The following FRMD5 variants were observed in gnomAD, a reference collection of about 807,000 sequenced individuals.
The protein encoded by FRMD5 is FERM domain containing 5.
FRMD5 carries 20 observed loss-of-function variants against 69.0 expected under a neutral mutation model. That is an observed-to-expected ratio of 0.29 (90% CI 0.20 to 0.42). The LOEUF (loss-of-function observed/expected upper bound fraction) is 0.42. Ranked by LOEUF, FRMD5 falls within the 10% of genes least tolerant of loss-of-function variation. FRMD5 has a pLI of 1.00. For missense variants in FRMD5, 595 were observed against 708.6 expected, an observed-to-expected ratio of 0.84 and a Z score of 1.82; for synonymous variants, 271 against 260.1, an observed-to-expected ratio of 1.04 and a Z score of -0.40.
chr15:43,965,079 G>A (rs2090271195), intron 1 of FRMD5, among the ~76,000 whole-genome samples: 1 of 152,108 alleles, frequency 6.6e-6, no homozygotes, highest in African/African-American at 2.4e-5. Flanking sequence ...CATGGCCTGG[G>A]GACTCAGTAC....
intron 1 of FRMD5, among the ~76,000 whole-genome samples, chr15:43,958,805 T>C (rs775307969): frequency 6.6e-6 from 1 of 152,224 alleles, no homozygotes; most frequent in Non-Finnish European, 1.5e-5. Flanking sequence ...CAAGTTCTTA[T>C]TAGTACTCCT....
At chr15:43,937,208 C>A (rs369621963) in intron 1 of FRMD5, among the ~76,000 whole-genome samples, 4 of 152,108 alleles carry the variant, frequency 2.6e-5, no homozygotes, top group Admixed American at 6.5e-5. Context: ...GACACCTAGA[C>A]AAAATGGCAT....
intron 1 of FRMD5, among the ~76,000 whole-genome samples, chr15:43,958,015 G>T (rs1048893412): frequency 6.6e-6 from 1 of 152,174 alleles, no homozygotes; most frequent in Non-Finnish European, 1.5e-5. Context: ...GGCTCAGAAA[G>T]GTCAAGTGTG....
chr15:43,999,752 A>T (rs1434511068), intron 1 of FRMD5, among the ~76,000 whole-genome samples: 1 of 151,714 alleles, frequency 6.6e-6, no homozygotes, highest in Admixed American at 6.6e-5. Flanking sequence ...AAATGGCAAG[A>T]CTTCCTCCTT....
chr15:43,964,964 A>C (rs2090268716), intron 1 of FRMD5, among the ~76,000 whole-genome samples: 1 of 152,218 alleles, frequency 6.6e-6, no homozygotes, highest in African/African-American at 2.4e-5. Flanking sequence ...TGTGAAATAA[A>C]GGGCAAGCAA....
intron 1 of FRMD5, among the ~76,000 whole-genome samples, chr15:44,177,475 GA>G (rs1281400289): frequency 6.6e-6 from 1 of 152,114 alleles, no homozygotes; most frequent in Non-Finnish European, 1.5e-5. Flanking sequence ...CACGTTGTAT[GA>G]TACCATTAAT....
chr15:44,024,766 T>C (rs2140263258), intron 1 of FRMD5, among the ~76,000 whole-genome samples: 1 of 152,356 alleles, frequency 6.6e-6, no homozygotes, highest in East Asian at 1.9e-4. Flanking sequence ...ATAGTAAGCA[T>C]GGGTTTTCTC....
At chr15:43,914,724 T>TC (rs1491563417) in intron 4 of FRMD5, among the ~76,000 whole-genome samples, 2 of 110,300 alleles carry the variant, frequency 1.8e-5, no homozygotes, top group Non-Finnish European at 3.3e-5. Flanking sequence ...GGTGACTACC[T>TC]TTTTTTTTTT....
chr15:43,939,411 A>G (rs2089822755), intron 1 of FRMD5, among the ~76,000 whole-genome samples: 1 of 152,186 alleles, frequency 6.6e-6, no homozygotes, highest in Non-Finnish European at 1.5e-5. Context: ...TGCCAAAAGA[A>G]GTCATCAGTT....
chr15:44,189,696 T>G (rs2078162745), intron 1 of FRMD5, among the ~76,000 whole-genome samples: 1 of 152,072 alleles, frequency 6.6e-6, no homozygotes, highest in Non-Finnish European at 1.5e-5. Flanking sequence ...TTTACCATGT[T>G]GACCAGGCTG....
chr15:44,059,699 T>A (rs1469434515), intron 1 of FRMD5, among the ~76,000 whole-genome samples: 1 of 151,986 alleles, frequency 6.6e-6, no homozygotes, highest in Non-Finnish European at 1.5e-5. Flanking sequence ...GTATTTTTAG[T>A]AGAGACGGGG....
chr15:44,181,796 C>G (rs1035016472), intron 1 of FRMD5, among the ~76,000 whole-genome samples: 18 of 152,010 alleles, frequency 1.2e-4, no homozygotes, highest in Non-Finnish European at 2.5e-4. Flanking sequence ...GTCCCAGATA[C>G]TGGGGAGGCT....
intron 1 of FRMD5, among the ~76,000 whole-genome samples, chr15:44,110,312 C>T (rs1303663741): frequency 3.9e-5 from 6 of 152,208 alleles, no homozygotes; most frequent in African/African-American, 4.8e-5. Flanking sequence ...TCTGCCTCAG[C>T]CTCCTGAGTA....
intron 1 of FRMD5, among the ~76,000 whole-genome samples, chr15:43,958,033 T>C (rs1438292661): frequency 6.6e-6 from 1 of 152,248 alleles, no homozygotes; most frequent in Non-Finnish European, 1.5e-5. Flanking sequence ...GTGTGTAACC[T>C]ATTATTTTTT....
At chr15:44,033,722 T>C (rs77367902) in intron 1 of FRMD5, among the ~76,000 whole-genome samples, 2,909 of 152,298 alleles carry the variant, frequency 0.019, 90 homozygotes, top group African/African-American at 0.066. Context: ...ATCATGGGCA[T>C]AAACATCAAA....
At chr15:44,139,119 T>C (rs1214961270) in intron 1 of FRMD5, among the ~76,000 whole-genome samples, 1 of 152,172 alleles carries the variant, frequency 6.6e-6, no homozygotes, top group Non-Finnish European at 1.5e-5. Context: ...GTATAGTATG[T>C]GTATTGTATC....
intron 1 of FRMD5, among the ~76,000 whole-genome samples, chr15:44,089,597 G>C (rs2076442758): frequency 6.6e-6 from 1 of 152,050 alleles, no homozygotes; most frequent in Non-Finnish European, 1.5e-5. Context: ...CAGGTATTTG[G>C]GAGGCTGAGG....
At chr15:44,050,684 G>A (rs559003167) in intron 1 of FRMD5, among the ~76,000 whole-genome samples, 1 of 147,436 alleles carries the variant, frequency 6.8e-6, no homozygotes, top group East Asian at 2.0e-4. Flanking sequence ...TTCAGACAGA[G>A]TCTCGCTCTG....
intron 1 of FRMD5, among the ~76,000 whole-genome samples, chr15:43,984,463 G>A (rs1889288277): frequency 6.6e-6 from 1 of 152,154 alleles, no homozygotes; most frequent in South Asian, 2.1e-4. Context: ...GAGCAGGACT[G>A]GATTAAGGCC....
Sources: allele counts gnomAD v4.1 joint callset (sites outside exome capture counted in the v4.1 genomes callset), GRCh38; gene constraint gnomAD v4.1.1; transcripts MANE v1.5; gene names NCBI Gene and HGNC (gene_info 2026-07-23, HGNC 2026-07-21).